The following USP48 variants were observed in gnomAD, a reference collection of about 807,000 sequenced individuals.
The protein encoded by USP48 is ubiquitin specific peptidase 48, also known as ubiquitin carboxyl-terminal hydrolase 48.
Under a neutral mutation model 150.7 loss-of-function variants are expected in USP48, and 43 were observed. The ratio of observed to expected loss-of-function variants is 0.29; its 90% CI spans 0.22 to 0.37. The LOEUF is 0.37. USP48 is among the 10% of genes least tolerant of loss of function. The pLI is 1.00. For synonymous variants in USP48, 396 were observed against 425.9 expected, an observed-to-expected ratio of 0.93 and a Z score of 0.86; for missense variants, 813 against 1,249.6, an observed-to-expected ratio of 0.65 and a Z score of 5.27.
Position 21,679,423 on chromosome 1 carries a change from T to C in USP48, c.3102A>G (p.Gly1034=). 1 of 1,614,118 alleles carries C rather than the reference T, an allele frequency of 6.2e-7. No homozygotes were observed. Among genetic ancestry groups the C allele is most frequent in the Non-Finnish European group, 8.5e-7 (1 of 1,180,032 alleles). The part of the protein sequence containing the change: ...EEGFKGTGLL[G]H ...GTCAGCAAGTATTCAAAGATTAATG[T>C]CCAAGAAGACCAGTACCTGGGAAAA... The change falls in exon 27 of 27, where the codon GGA becomes GGG. Residue 1034 remains glycine (G), a synonymous_variant. Transcript: ENST00000308271.
chr1:21,691,826 G>A (rs557009236), intron 23 of USP48, among the ~76,000 whole-genome samples: 56 of 152,118 alleles, frequency 3.7e-4, no homozygotes, highest in African/African-American at 1.2e-3. Context: ...TTCTTAACTC[G>A]GTAGACAAGT....
intron 6 of USP48, among the ~76,000 whole-genome samples, chr1:21,750,020 A>C (rs1033160108): frequency 1.3e-5 from 2 of 152,054 alleles, no homozygotes; most frequent in African/African-American, 4.8e-5. Flanking sequence ...CCCTCAATCC[A>C]TCTTCAGCCT....
At chr1:21,745,202 C>T (rs1159859884) in intron 8 of USP48, among the ~76,000 whole-genome samples, 1 of 152,006 alleles carries the variant, frequency 6.6e-6, no homozygotes, top group East Asian at 1.9e-4. Context: ...ATTACGACAG[C>T]GTGTAAAAGA....
At position 21,742,550 on chromosome 1, in the gene USP48, A is replaced by AAAAAG. The variant is rs1553137160; in HGVS notation, c.991+4512_991+4516dup. On this transcript the variant is annotated intron_variant, in intron 8 of 26. Transcript: ENST00000308271. The stretch of plus-strand genomic sequence containing the variant: ...CAGAGCGAGACTCTATCTCAAAAAA[A>AAAAAG]AAAAGAAAAGAAAAGAAAAAGAAAA... Among the ~76,000 whole-genome samples, 8 of 151,434 alleles carry AAAAAG rather than the reference A, an allele frequency of 5.3e-5. No individual in the cohort carries two copies. The East Asian group carries it at 1.6e-3, about 29-fold the overall frequency.
rs1472395752 is a variant in USP48 at position 21,703,493 on chromosome 1, C to T, written c.2622+19G>A. On this transcript the variant is annotated intron_variant, in intron 21 of 26. Coordinates refer to ENST00000308271, the MANE Select transcript of USP48 (RefSeq NM_032236.8). ...CACGCTTGATCATTACTAGTCATTG[C>T]CACAAGAGGGACCAGTACCTTTTTA... 8.2e-6 allele frequency: 13 copies of T among 1,589,868 alleles called. No individual in the cohort carries two copies. In the Admixed American group the frequency reaches 2.2e-4, roughly 27 times the overall value.
intron 25 of USP48, among the ~76,000 whole-genome samples, chr1:21,684,010 A>C (rs2097574059): frequency 6.6e-6 from 1 of 152,214 alleles, no homozygotes; most frequent in Non-Finnish European, 1.5e-5. Context: ...GTCTACATAT[A>C]AATATAACAT....
At chr1:21,702,382 C>T (rs1403050380) in intron 21 of USP48, among the ~76,000 whole-genome samples, 1 of 151,750 alleles carries the variant, frequency 6.6e-6, no homozygotes, top group Non-Finnish European at 1.5e-5. Flanking sequence ...TCAGGATCTA[C>T]CCAAGAGCCA....
At chr1:21,765,664 T>C (rs921385362) in intron 1 of USP48, among the ~76,000 whole-genome samples, 1 of 151,108 alleles carries the variant, frequency 6.6e-6, no homozygotes, top group African/African-American at 2.4e-5. Context: ...CATGAGACGT[T>C]CCGAAGCTAA....
At chr1:21,683,462 G>A (rs559558821) in intron 25 of USP48, among the ~76,000 whole-genome samples, 1 of 152,018 alleles carries the variant, frequency 6.6e-6, no homozygotes, top group South Asian at 2.1e-4. Context: ...ACAGCTCACT[G>A]CAGCCTCCAA....
At chr1:21,712,693 A>G (rs555528970) in intron 15 of USP48, among the ~76,000 whole-genome samples, 11 of 144,048 alleles carry the variant, frequency 7.6e-5, no homozygotes, top group African/African-American at 2.6e-4. Context: ...CAGGGGTGCC[A>G]TCTTGGCTCA....
rs567789882 is a variant in USP48 at position 21,741,742 on chromosome 1, G to A, written c.992-5117C>T. ...CTGTAATCCCAGGACTTTGTGAGCC[G>A]AGGCAAGAGGACTGCTTAAGGCCGT... is the stretch of plus-strand genomic sequence containing the variant. On this transcript the variant is annotated intron_variant, in intron 8 of 26. Coordinates refer to ENST00000308271, the MANE Select transcript of USP48 (RefSeq NM_032236.8). Among the ~76,000 whole-genome samples the A allele has an allele frequency of 2.0e-5, 3 of 152,234 alleles. 1 individual carries two copies. The highest frequency in any genetic ancestry group is 1.5e-5 in the Non-Finnish European group (1 of 68,016).
chr1:21,692,887 G>A (rs773559252), intron 23 of USP48, among the ~76,000 whole-genome samples: 2 of 152,078 alleles, frequency 1.3e-5, no homozygotes, highest in Non-Finnish European at 2.9e-5. Context: ...GGAGGCCTAC[G>A]GTAAAATAAT....
chr1:21,693,329 C>T (rs2097609139), intron 23 of USP48, among the ~76,000 whole-genome samples: 1 of 152,178 alleles, frequency 6.6e-6, no homozygotes, highest in Admixed American at 6.5e-5. Flanking sequence ...CTTACAAACT[C>T]TGATGCTATC....
At chr1:21,777,263 C>G (rs1054047183) in intron 1 of USP48, among the ~76,000 whole-genome samples, 3 of 152,142 alleles carry the variant, frequency 2.0e-5, no homozygotes, top group African/African-American at 7.2e-5. Context: ...GTACTCCAGC[C>G]TGGGCAACAG....
chr1:21,747,594 CAG>C (rs2097797740), intron 7 of USP48, among the ~76,000 whole-genome samples: 1 of 151,418 alleles, frequency 6.6e-6, no homozygotes, highest in African/African-American at 2.4e-5. Context: ...TTTTCCAAGA[CAG>C]AGTTTCACTC....
chr1:21,755,365 A>G (rs569174017), intron 3 of USP48, among the ~76,000 whole-genome samples: 13 of 152,232 alleles, frequency 8.5e-5, no homozygotes, highest in African/African-American at 2.4e-4. Context: ...GTTTGAGACC[A>G]GCCTGGGCAA....
chr1:21,727,974 A>G, intron 11 of USP48: 3 of 985,462 alleles, frequency 3.0e-6, no homozygotes, highest in Non-Finnish European at 3.6e-6. Flanking sequence ...ATGGCACATC[A>G]GCCTTTAAAA....
intron 19 of USP48, chr1:21,704,598 C>T (rs2097666719): frequency 2.1e-6 from 1 of 468,142 alleles, no homozygotes; most frequent in East Asian, 3.6e-5. Context: ...ACTGAAATTA[C>T]ATGAATCAAC....
intron 25 of USP48, among the ~76,000 whole-genome samples, chr1:21,681,921 G>T (rs2097567020): frequency 6.6e-6 from 1 of 152,070 alleles, no homozygotes; most frequent in South Asian, 2.1e-4. Flanking sequence ...TTTTCCTTGT[G>T]GCATCCCTTC....
Sources: allele counts gnomAD v4.1 joint callset (sites outside exome capture counted in the v4.1 genomes callset), GRCh38; gene constraint gnomAD v4.1.1; transcripts MANE v1.5; gene names NCBI Gene and HGNC (gene_info 2026-07-23, HGNC 2026-07-21).